PAPSS1: variants seen among roughly 807,000 people sequenced by gnomAD.
PAPSS1 encodes the protein bifunctional 3'-phosphoadenosine 5'-phosphosulfate synthase 1.
In PAPSS1, 50 loss-of-function variants were observed where a neutral mutation model predicts 72.0. The observed-to-expected ratio is 0.69, with a 90% CI of 0.55 to 0.88. PAPSS1 has a LOEUF of 0.88. Ranked by LOEUF, PAPSS1 falls within the 40% of genes least tolerant of loss-of-function variation. The probability of loss-of-function intolerance (pLI) is 0.00; values close to 1 mark genes in which losing one functional copy is unlikely to be tolerated. For missense variants in PAPSS1, 657 were observed against 782.2 expected, an observed-to-expected ratio of 0.84 and a Z score of 1.91; for synonymous variants, 261 against 263.6, an observed-to-expected ratio of 0.99 and a Z score of 0.09.
At chr4:107,704,246 T>C (rs1025074594) in intron 1 of PAPSS1, among the ~76,000 whole-genome samples, 2 of 152,234 alleles carry the variant, frequency 1.3e-5, no homozygotes, top group South Asian at 4.1e-4. Flanking sequence ...TCTGGTGAAA[T>C]CTTTAGGGTT....
At chr4:107,676,194 C>G (rs549191806) in intron 5 of PAPSS1, among the ~76,000 whole-genome samples, 1 of 152,040 alleles carries the variant, frequency 6.6e-6, no homozygotes, top group East Asian at 1.9e-4. Flanking sequence ...GGCAATCAGG[C>G]AGGAGAAGGA....
chr4:107,650,827 T>C (rs1056720372), intron 9 of PAPSS1, among the ~76,000 whole-genome samples: 1 of 151,788 alleles, frequency 6.6e-6, no homozygotes, highest in East Asian at 1.9e-4. Context: ...ACTCCAAACA[T>C]CCAAAACAGG....
At chr4:107,717,263 A>G (rs1242750578) in intron 1 of PAPSS1, among the ~76,000 whole-genome samples, 2 of 152,176 alleles carry the variant, frequency 1.3e-5, no homozygotes, top group African/African-American at 4.8e-5. Flanking sequence ...ATGTTGAATT[A>G]TATACATGGC....
chr4:107,696,793 G>C (rs1270500079), intron 2 of PAPSS1, among the ~76,000 whole-genome samples: 2 of 152,082 alleles, frequency 1.3e-5, no homozygotes, highest in Non-Finnish European at 2.9e-5. Context: ...TACAGTGTCA[G>C]TTGCTTTATA....
At position 107,654,797 on chromosome 4, in the gene PAPSS1, G is replaced by A; in HGVS notation, c.999C>T (p.Arg333=). 6.2e-7 allele frequency: 1 copy of A among 1,613,960 alleles called. No individual in the cohort carries two copies. Among genetic ancestry groups the A allele is most frequent in the Admixed American group, 1.7e-5 (1 of 60,012 alleles). ...CTAFALMYEG[R]RVAILRNPEF... The stretch of plus-strand genomic sequence containing the variant: ...CTGGATTGCGAAGAATGGCCACACG[G>A]CGGCCCTCATACATCAGAGCAAATG... The change falls in exon 8 of 12, where the codon CGC becomes CGT. Residue 333 remains arginine, a synonymous_variant. Transcript: ENST00000265174.
At chr4:107,653,259 G>A (rs1406292920) in intron 9 of PAPSS1, among the ~76,000 whole-genome samples, 1 of 151,984 alleles carries the variant, frequency 6.6e-6, no homozygotes. Context: ...TAAATAAAAG[G>A]TAAATTCTGC....
At chr4:107,682,162 G>T in intron 4 of PAPSS1, 29 bp from the exon 5 acceptor site, 2 of 1,097,524 alleles carry the variant, frequency 1.8e-6, no homozygotes, top group Non-Finnish European at 2.7e-6. Flanking sequence ...AATAGAGTAG[G>T]GTGGAAAATA....
intron 9 of PAPSS1, among the ~76,000 whole-genome samples, chr4:107,651,673 A>G (rs1726843543): frequency 6.6e-6 from 1 of 152,120 alleles, no homozygotes; most frequent in Non-Finnish European, 1.5e-5. Context: ...TCACGAGAAT[A>G]GCATGGGGGA....
chr4:107,668,133 G>C (rs560720694), intron 5 of PAPSS1, among the ~76,000 whole-genome samples: 1 of 151,584 alleles, frequency 6.6e-6, no homozygotes, highest in Non-Finnish European at 1.5e-5. Flanking sequence ...AGTAAAGGCA[G>C]AGTAGTAGAA....
intron 5 of PAPSS1, among the ~76,000 whole-genome samples, chr4:107,665,698 G>A (rs1727297451): frequency 6.6e-6 from 1 of 152,150 alleles, no homozygotes; most frequent in Non-Finnish European, 1.5e-5. Context: ...TGTAAGTCTA[G>A]AGATATTATA....
chr4:107,648,137 G>A (rs1350138091), intron 9 of PAPSS1, among the ~76,000 whole-genome samples: 1 of 152,102 alleles, frequency 6.6e-6, no homozygotes, highest in Non-Finnish European at 1.5e-5. Context: ...CTATCACCTA[G>A]TCCAGGAGCC....
intron 1 of PAPSS1, among the ~76,000 whole-genome samples, chr4:107,714,642 T>C (rs1205412323): frequency 2.0e-5 from 3 of 152,226 alleles, no homozygotes; most frequent in Non-Finnish European, 4.4e-5. Flanking sequence ...GAATTTTTTT[T>C]AGAAATTTAG....
intron 9 of PAPSS1, among the ~76,000 whole-genome samples, chr4:107,645,605 A>C (rs969216290): frequency 3.3e-5 from 5 of 152,350 alleles, no homozygotes; most frequent in African/African-American, 9.6e-5. Context: ...TTATGATCAA[A>C]GGTCTGAATT....
chr4:107,709,117 T>C (rs926607133), intron 1 of PAPSS1, among the ~76,000 whole-genome samples: 5 of 152,178 alleles, frequency 3.3e-5, no homozygotes, highest in South Asian at 2.1e-4. Context: ...GATTCACGAA[T>C]TGTTCTTTGC....
At chr4:107,637,532 T>C (rs1726420207) in intron 10 of PAPSS1, among the ~76,000 whole-genome samples, 1 of 152,182 alleles carries the variant, frequency 6.6e-6, no homozygotes, top group Non-Finnish European at 1.5e-5. Flanking sequence ...GCAGATTAGA[T>C]ATATGATATT....
At position 107,719,984 on chromosome 4, in the gene PAPSS1, G is replaced by A. The variant is rs554896065; in HGVS notation, c.60+136C>T. On this transcript the variant is annotated intron_variant, in intron 1 of 11. Coordinates refer to ENST00000265174, the MANE Select transcript of PAPSS1 (RefSeq NM_005443.5). The stretch of plus-strand genomic sequence containing the variant: ...CCACCCACGGCCCCAGCCGGGAGGC[G>A]CCGCAGCCCCGGAACCCACCTCCGC... The A allele has an allele frequency of 9.0e-6, 13 of 1,446,644 alleles. No homozygotes were observed. In the East Asian group the frequency reaches 1.2e-4, roughly 13 times the overall value. 89.6% of individuals were successfully genotyped at this position (1,446,644 alleles called of 1,614,324 possible).
chr4:107,645,115 G>T, intron 9 of PAPSS1, 45 bp from the exon 10 acceptor site: 1 of 1,375,920 alleles, frequency 7.3e-7, no homozygotes, highest in Non-Finnish European at 9.5e-7. Context: ...GTTTCTAACA[G>T]ATTACTTTCC....
intron 1 of PAPSS1, among the ~76,000 whole-genome samples, chr4:107,711,703 G>A (rs545113290): frequency 9.9e-5 from 15 of 152,132 alleles, no homozygotes; most frequent in African/African-American, 3.6e-4. Context: ...TGTAGAGATC[G>A]TAACAATATG....
intron 11 of PAPSS1, among the ~76,000 whole-genome samples, chr4:107,622,910 T>C (rs1022414200): frequency 1.3e-5 from 2 of 152,242 alleles, no homozygotes; most frequent in African/African-American, 4.8e-5. Flanking sequence ...TGGTTTTGTT[T>C]TGAAATGGGG....
Sources: gnomAD v4.1 joint callset for allele counts (sites outside exome capture counted in the v4.1 genomes callset) on GRCh38, gnomAD v4.1.1 for gene constraint, MANE v1.5 for transcripts, NCBI Gene and HGNC (gene_info 2026-07-23, HGNC 2026-07-21) for gene names.